FBXO33: variants seen among roughly 807,000 people sequenced by gnomAD.
The protein encoded by FBXO33 is F-box only protein 33.
In FBXO33, 22 loss-of-function variants were observed where a neutral mutation model predicts 46.3. That is an observed-to-expected ratio of 0.48 (90% confidence interval 0.34 to 0.68). FBXO33 has a LOEUF of 0.68. Among genes scored for constraint, FBXO33 ranks in the 30% least tolerant of loss-of-function variants. The probability of loss-of-function intolerance (pLI) is 0.01; values close to 1 mark genes in which losing one functional copy is unlikely to be tolerated. For synonymous variants in FBXO33, 337 were observed against 291.3 expected (o/e 1.16, Z -1.60); for missense variants, 692 against 708.8 (o/e 0.98, Z 0.27).
chr14:39,431,344 T>TGTTA (rs1462135861), intron 1 of FBXO33, among the ~76,000 whole-genome samples: 1 of 151,990 alleles, frequency 6.6e-6, no homozygotes, highest in African/African-American at 2.4e-5. Context: ...AAGTGGTGTC[T>TGTTA]GTTAAACACC....
intron 1 of FBXO33, among the ~76,000 whole-genome samples, chr14:39,427,695 T>C (rs2075522729): frequency 6.6e-6 from 1 of 152,196 alleles, no homozygotes; most frequent in South Asian, 2.1e-4. Flanking sequence ...TCCCAGCACC[T>C]TAGGAGGCAG....
intron 3 of FBXO33, among the ~76,000 whole-genome samples, chr14:39,400,713 A>G (rs2075364694): frequency 3.9e-5 from 6 of 152,232 alleles, no homozygotes; most frequent in Admixed American, 3.9e-4. Flanking sequence ...AACAGGTCAC[A>G]TTAAAATGAA....
rs1424007164 is a variant in FBXO33, at chr14:39,398,109, TTG to T, written c.*1405_*1406del. On this transcript the variant is annotated 3_prime_UTR_variant, in exon 4 of 4. Coordinates refer to ENST00000298097, the MANE Select transcript of FBXO33 (RefSeq NM_203301.4). Reference sequence around the variant, plus strand: ...CATATCTGGACATCTGTTGCATAAATTGTGTTTCCAAAGCTTACAATAGAGCA... The same window carrying T: ...CATATCTGGACATCTGTTGCATAAATTGTTTCCAAAGCTTACAATAGAGCA... 6.6e-6 allele frequency: 1 copy of T among 152,670 alleles called. No homozygotes were observed. The highest frequency in any genetic ancestry group is 2.4e-5 in the African/African-American group (1 of 41,462). The allele number at this position is 152,670 out of a possible 1,614,324, so 9.5% of individuals were successfully genotyped here.
rs768730310 is a variant in FBXO33, at chr14:39,399,716, C to G, written c.1468G>C (p.Val490Leu). 3 of 1,613,874 alleles carry G rather than the reference C, an allele frequency of 1.9e-6. No homozygotes were observed. Among genetic ancestry groups the G allele is most frequent in the Non-Finnish European group, 8.5e-7 (1 of 1,179,892 alleles). ...LRGSDLKVLEVTEESIDFDQG... is the reference protein window; with the variant it reads ...LRGSDLKVLELTEESIDFDQG... Reference sequence around the variant, plus strand: ...TCAAAATCAATGCTTTCTTCGGTGACTTCAAGCACTTTCAGATCAGAGCCC... The same window carrying G: ...TCAAAATCAATGCTTTCTTCGGTGAGTTCAAGCACTTTCAGATCAGAGCCC... The change falls in exon 4 of 4, where the codon GTC (valine) becomes CTC (leucine). Residue 490 changes from valine (V) to leucine (L), a missense_variant. Val to Leu is a conservative substitution (Grantham distance 32). Coordinates refer to ENST00000298097, the MANE Select transcript of FBXO33 (RefSeq NM_203301.4).
Position 39,398,975 on chromosome 14 carries a change from A to G in FBXO33, c.*541T>C, listed in dbSNP as rs2075356274. The G allele has an allele frequency of 6.6e-6, 1 of 152,396 alleles. No homozygotes were observed. The highest frequency in any genetic ancestry group is 2.1e-4 in the South Asian group (1 of 4,836). The allele number at this position is 152,396 out of a possible 1,614,324, so 9.4% of individuals were successfully genotyped here. ...ACAAAATTCAAAATGGTAACTGGTG[A>G]TATCAACTATTAGATATGTAATGAA... On this transcript the variant is annotated 3_prime_UTR_variant, in exon 4 of 4. Transcript: ENST00000298097.
chr14:39,416,183 C>G (rs1325215991), intron 1 of FBXO33, among the ~76,000 whole-genome samples: 1 of 152,010 alleles, frequency 6.6e-6, no homozygotes, highest in Non-Finnish European at 1.5e-5. Flanking sequence ...CCTTTAGCTT[C>G]TGTTTATCTG....
At chr14:39,406,506 T>C (rs550619294) in intron 1 of FBXO33, among the ~76,000 whole-genome samples, 1 of 152,192 alleles carries the variant, frequency 6.6e-6, no homozygotes, top group East Asian at 1.9e-4. Flanking sequence ...TCCTGAAAGA[T>C]GGGGAAAAAA....
At position 39,398,595 on chromosome 14, in the gene FBXO33, T is replaced by C. The variant is rs991696551; in HGVS notation, c.*921A>G. Reference sequence around the variant, plus strand: ...TCTAGCAGTATCTGGCTGGCCAGAGTGGGCCGGCCCCTGCCAGCATGTGGG... The same window carrying C: ...TCTAGCAGTATCTGGCTGGCCAGAGCGGGCCGGCCCCTGCCAGCATGTGGG... On this transcript the variant is annotated 3_prime_UTR_variant, in exon 4 of 4. Transcript: ENST00000298097. The C allele has an allele frequency of 8.9e-4, 135 of 152,210 alleles. 1 individual carries two copies. Among genetic ancestry groups the C allele is most frequent in the African/African-American group, 3.2e-3 (132 of 41,330 alleles). The allele number at this position is 152,210 out of a possible 1,614,324, so 9.4% of individuals were successfully genotyped here.
intron 1 of FBXO33, among the ~76,000 whole-genome samples, chr14:39,419,049 T>G (rs768685084): frequency 1.3e-5 from 2 of 152,234 alleles, no homozygotes; most frequent in Non-Finnish European, 2.9e-5. Flanking sequence ...ATTTGTGGGA[T>G]TATCGAATTC....
chr14:39,405,128 C>CAAA (rs55890131), intron 1 of FBXO33, among the ~76,000 whole-genome samples: 1 of 114,436 alleles, frequency 8.7e-6, no homozygotes, highest in African/African-American at 3.2e-5. Flanking sequence ...GATTCTGTCT[C>CAAA]AAAAAAAAAA....
rs759698535 is a variant in FBXO33, at chr14:39,431,589, C to G, written c.574G>C (p.Val192Leu). 6.8e-6 allele frequency: 11 copies of G among 1,613,090 alleles called. No individual in the cohort carries two copies. Among genetic ancestry groups the G allele is most frequent in the South Asian group, 1.1e-5 (1 of 91,082 alleles). The change falls in exon 1 of 4, where the codon GTG (valine) becomes CTG (leucine). Residue 192 changes from valine (V) to leucine (L), a missense_variant. Physicochemically the swap from Val to Leu is conservative, Grantham distance 32. Coordinates refer to ENST00000298097, the MANE Select transcript of FBXO33 (RefSeq NM_203301.4). ...LRTYLELVLC[V>L]LVSIRNNRNL... ...CTGTTGTTCCGGATGCTGACCAGCA[C>G]GCAAAGCACCAGCTCCAAGTAGGTG...
At chr14:39,418,124 C>T (rs1017273728) in intron 1 of FBXO33, among the ~76,000 whole-genome samples, 3 of 151,724 alleles carry the variant, frequency 2.0e-5, no homozygotes, top group Non-Finnish European at 4.4e-5. Context: ...AATGCAGTGG[C>T]GCGATCTCTG....
intron 1 of FBXO33, among the ~76,000 whole-genome samples, chr14:39,428,643 ATTT>A (rs2075528288): frequency 6.6e-6 from 1 of 152,214 alleles, no homozygotes; most frequent in Non-Finnish European, 1.5e-5. Context: ...CTCTTCAGGT[ATTT>A]TTAGTGACTG....
At position 39,399,290 on chromosome 14, in the gene FBXO33, G is replaced by T; in HGVS notation, c.*226C>A. 2.8e-6 allele frequency: 1 copy of T among 355,900 alleles called. No individual in the cohort carries two copies. Among genetic ancestry groups the T allele is most frequent in the Non-Finnish European group, 5.0e-6 (1 of 199,056 alleles). The allele number at this position is 355,900 out of a possible 1,614,324, so 22.0% of individuals were successfully genotyped here. A position where few individuals can be genotyped will look rare whatever the true frequency, so the allele number is the denominator to read the frequency against. ...CTTCGGCTGTATATCCTTAAGGTTT[G>T]GTAACAAGTCCATTAACCGTGAAAG... On this transcript the variant is annotated 3_prime_UTR_variant, in exon 4 of 4. Coordinates refer to ENST00000298097, the MANE Select transcript of FBXO33 (RefSeq NM_203301.4).
At chr14:39,420,190 T>C (rs1402965431) in intron 1 of FBXO33, among the ~76,000 whole-genome samples, 1 of 152,212 alleles carries the variant, frequency 6.6e-6, no homozygotes, top group African/African-American at 2.4e-5. Flanking sequence ...TAAATATCTG[T>C]GGGCTTATTA....
rs1176253294 is a variant in FBXO33, at chr14:39,401,370, C to T, written c.1202G>A (p.Ser401Asn). Reference sequence around the variant, plus strand: ...AGCCCCTGAAACACAAGTGATATAGCTATCAAAATGAATCCTCTCTAGTGG... The same window carrying T: ...AGCCCCTGAAACACAAGTGATATAGTTATCAAAATGAATCCTCTCTAGTGG... ...SIPLERIHFDSYITCVSGAIV... is the reference protein window; with the variant it reads ...SIPLERIHFDNYITCVSGAIV... Residue 401 changes from serine to asparagine, a missense_variant, in exon 3 of 4, where the codon AGC (serine) becomes AAC (asparagine). Physicochemically the swap from Ser to Asn is conservative, Grantham distance 46 (BLOSUM62 1). Transcript: ENST00000298097. 6.2e-6 allele frequency: 10 copies of T among 1,614,106 alleles called. No individual in the cohort carries two copies. The highest frequency in any genetic ancestry group is 5.0e-5 in the Admixed American group (3 of 60,008).
At chr14:39,405,598 A>G (rs1452388817) in intron 1 of FBXO33, among the ~76,000 whole-genome samples, 1 of 152,162 alleles carries the variant, frequency 6.6e-6, no homozygotes, top group Non-Finnish European at 1.5e-5. Context: ...TAATCTTAGA[A>G]TAGCAATAAA....
intron 1 of FBXO33, among the ~76,000 whole-genome samples, 183 bp downstream of exon 1, chr14:39,431,381 G>A (rs552346600): frequency 6.6e-6 from 1 of 152,260 alleles, no homozygotes; most frequent in East Asian, 1.9e-4. Context: ...ATAAAGTATC[G>A]TGATGAGTCC....
At chr14:39,415,471 A>G (rs965480342) in intron 1 of FBXO33, among the ~76,000 whole-genome samples, 2 of 152,226 alleles carry the variant, frequency 1.3e-5, no homozygotes, top group African/African-American at 4.8e-5. Context: ...ATCATAACAA[A>G]ACAAGGTATG....
Sources: gnomAD v4.1 joint callset for allele counts (sites outside exome capture counted in the v4.1 genomes callset) on GRCh38, gnomAD v4.1.1 for gene constraint, MANE v1.5 for transcripts, NCBI Gene and HGNC (gene_info 2026-07-23, HGNC 2026-07-21) for gene names.